FBN2: variants seen among roughly 807,000 people sequenced by gnomAD.
FBN2 encodes fibrillin-2.
In FBN2, 105 loss-of-function variants were observed where a neutral mutation model predicts 355.6. That is an observed-to-expected ratio of 0.30 (90% CI 0.25 to 0.35). The LOEUF is 0.35. FBN2 is among the 10% of genes least tolerant of loss of function. The probability of loss-of-function intolerance (pLI) is 1.00; values close to 1 mark genes in which losing one functional copy is unlikely to be tolerated. For missense variants in FBN2, 3,280 were observed against 3,758.7 expected, an observed-to-expected ratio of 0.87 and a Z score of 3.33; for synonymous variants, 1,350 against 1,301.2, an observed-to-expected ratio of 1.04 and a Z score of -0.81.
chr5:128,467,177 C>T (rs916848522), intron 5 of FBN2, among the ~76,000 whole-genome samples: 2 of 152,048 alleles, frequency 1.3e-5, no homozygotes, highest in African/African-American at 4.8e-5. Context: ...CCTCTTAGTA[C>T]CGTCTCTGTG....
chr5:128,380,907 G>C (rs1292669248), intron 11 of FBN2, among the ~76,000 whole-genome samples: 1 of 151,956 alleles, frequency 6.6e-6, no homozygotes, highest in Non-Finnish European at 1.5e-5. Context: ...TCATTGGGGG[G>C]ATGGGTATTT....
At chr5:128,272,863 G>C (rs994575507) in intron 61 of FBN2, among the ~76,000 whole-genome samples, 4 of 152,012 alleles carry the variant, frequency 2.6e-5, no homozygotes, top group African/African-American at 9.7e-5. Context: ...AGCTGAACTC[G>C]CATGTGGCAA....
chr5:128,428,564 G>A (rs1753540178), intron 7 of FBN2, among the ~76,000 whole-genome samples: 1 of 152,096 alleles, frequency 6.6e-6, no homozygotes, highest in Non-Finnish European at 1.5e-5. Flanking sequence ...TCAGATCTTT[G>A]CTGAAATAAG....
At chr5:128,512,897 G>T (rs886950168) in intron 5 of FBN2, among the ~76,000 whole-genome samples, 2 of 152,000 alleles carry the variant, frequency 1.3e-5, no homozygotes, top group African/African-American at 4.8e-5. Flanking sequence ...TGGATGCCAG[G>T]CATTATATCA....
At position 128,289,153 on chromosome 5, in the gene FBN2, A is replaced by G. The variant is rs772480416; in HGVS notation, c.6611T>C (p.Leu2204Pro). The change falls in exon 52 of 65, where the codon CTT (leucine) becomes CCT (proline). Residue 2204 changes from leucine to proline, a missense_variant. Physicochemically the swap from Leu to Pro is moderately conservative, Grantham distance 98. This residue lies in a region of FBN2 where 2,284 missense variants were observed against 2,749.5 expected (regional missense o/e 0.83). Coordinates refer to ENST00000262464, the MANE Select transcript of FBN2 (RefSeq NM_001999.4). The stretch of plus-strand genomic sequence containing the variant: ...CACACAGCGTACTCCAGTGTAGTCA[A>G]GGTTGTAGCCCATTGGACATTCACA... Reference protein sequence around the residue: ...FRCECPMGYNLDYTGVRCVDT... With the variant: ...FRCECPMGYNPDYTGVRCVDT... The G allele has an allele frequency of 4.3e-6, 7 of 1,613,794 alleles. No homozygotes were observed. In the East Asian group the frequency reaches 1.6e-4, roughly 36 times the overall value.
intron 5 of FBN2, among the ~76,000 whole-genome samples, chr5:128,513,936 A>G (rs1756203764): frequency 6.6e-6 from 1 of 151,892 alleles, no homozygotes; most frequent in Non-Finnish European, 1.5e-5. Context: ...ATCTTTTGGT[A>G]TTTCTCTGAT....
In FBN2 at chr5:128,269,730, G is replaced by A. The variant is rs368764734; in HGVS notation, c.7960+2269C>T. On this transcript the variant is annotated intron_variant, in intron 62 of 64. Transcript: ENST00000262464. Reference sequence around the variant, plus strand: ...ACCACTGCCCAAGGAAATAAGAGAGGACACAAATGAATGGAAAAACATTCC... The same window carrying A: ...ACCACTGCCCAAGGAAATAAGAGAGAACACAAATGAATGGAAAAACATTCC... Among the ~76,000 whole-genome samples, 15 of 152,242 alleles carry A rather than the reference G, an allele frequency of 9.9e-5. No homozygotes were observed. The East Asian group carries it at 2.1e-3, about 22-fold the overall frequency.
chr5:128,536,592 C>A, intron 1 of FBN2, 108 bp from the exon 2 acceptor site: 2 of 792,098 alleles, frequency 2.5e-6, no homozygotes, highest in Admixed American at 4.0e-5. Flanking sequence ...GGACAACAAA[C>A]AAATCAAAAT....
chr5:128,320,136 T>C (rs905588916), intron 34 of FBN2, among the ~76,000 whole-genome samples: 3 of 152,140 alleles, frequency 2.0e-5, no homozygotes, highest in African/African-American at 7.2e-5. Flanking sequence ...TATAAATGAG[T>C]AAAAACTCTT....
rs1227036777 is a variant in FBN2 at position 128,519,322 on chromosome 5, G to A, written c.579C>T (p.Pro193=). ...GCQNGGRCIG[P]NRCACVYGFT... is the part of the protein sequence containing the mutation. ...ACCCATAAACACAAGCACAGCGGTT[G>A]GGTCCGATGCAACGTCCACCATTCT... The change falls in exon 5 of 65, where the codon CCC becomes CCT. Residue 193 remains proline (P), a synonymous_variant. Transcript: ENST00000262464. 6.2e-7 allele frequency: 1 copy of A among 1,613,820 alleles called. No individual in the cohort carries two copies. The highest frequency in any genetic ancestry group is 1.7e-5 in the Admixed American group (1 of 59,916).
chr5:128,469,584 A>G (rs1282530716), intron 5 of FBN2, among the ~76,000 whole-genome samples: 1 of 152,086 alleles, frequency 6.6e-6, no homozygotes, highest in Non-Finnish European at 1.5e-5. Flanking sequence ...TGGAATGACA[A>G]GCTTATATTT....
chr5:128,267,007 T>C (rs1424403471), intron 62 of FBN2, among the ~76,000 whole-genome samples: 1 of 151,120 alleles, frequency 6.6e-6, no homozygotes, highest in African/African-American at 2.4e-5. Flanking sequence ...CATGTGCTTA[T>C]TCCCTTCCTT....
intron 5 of FBN2, among the ~76,000 whole-genome samples, chr5:128,502,602 AC>A (rs61090260): frequency 0.5 from 75,476 of 151,972 alleles, 21,994 homozygotes; most frequent in African/African-American, 0.82. Context: ...AAAAAAAGCA[AC>A]AATAAAAGAT....
At chr5:128,461,539 A>G (rs760444609) in intron 6 of FBN2, among the ~76,000 whole-genome samples, 1 of 152,230 alleles carries the variant, frequency 6.6e-6, no homozygotes, top group Non-Finnish European at 1.5e-5. Flanking sequence ...GTACTATAAG[A>G]CACATGCACA....
intron 6 of FBN2, among the ~76,000 whole-genome samples, chr5:128,457,331 A>G (rs1299953729): frequency 6.6e-6 from 1 of 152,220 alleles, no homozygotes; most frequent in African/African-American, 2.4e-5. Flanking sequence ...GATTGACTGG[A>G]GTACCAGGAG....
chr5:128,532,205 C>A (rs1756727561), intron 2 of FBN2, among the ~76,000 whole-genome samples: 1 of 152,212 alleles, frequency 6.6e-6, no homozygotes, highest in Non-Finnish European at 1.5e-5. Flanking sequence ...CTCCTTCCTA[C>A]AGCCTTTCTC....
At chr5:128,466,617 G>A (rs564621119) in intron 5 of FBN2, among the ~76,000 whole-genome samples, 115 of 152,296 alleles carry the variant, frequency 7.6e-4, no homozygotes, top group South Asian at 2.1e-3. Context: ...CAGAAGCAAA[G>A]AACAGTTTAG....
At chr5:128,402,868 G>C (rs1423294800) in intron 8 of FBN2, among the ~76,000 whole-genome samples, 1 of 152,124 alleles carries the variant, frequency 6.6e-6, no homozygotes, top group African/African-American at 2.4e-5. Flanking sequence ...TGTTTACATT[G>C]TTTAAGAGTA....
intron 56 of FBN2, 74 bp downstream of exon 56, chr5:128,280,118 T>A: frequency 8.2e-7 from 1 of 1,214,566 alleles, no homozygotes; most frequent in Non-Finnish European, 1.2e-6. Flanking sequence ...AATATATATG[T>A]GGAGCTCTTC....
Sources: gnomAD v4.1 joint callset for allele counts (sites outside exome capture counted in the v4.1 genomes callset) on GRCh38, gnomAD v4.1.1 for gene constraint, gnomAD v4.1.1 regional missense constraint, MANE v1.5 for transcripts, NCBI Gene and HGNC (gene_info 2026-07-23, HGNC 2026-07-21) for gene names.